The following CADM2 variants were observed in gnomAD, a reference collection of about 807,000 sequenced individuals.
CADM2 encodes immunoglobulin superfamily member 4D.
CADM2 carries 12 observed loss-of-function variants against 49.8 expected under a neutral mutation model. The ratio of observed to expected loss-of-function variants is 0.24; its 90% CI spans 0.15 to 0.39. CADM2 has a LOEUF of 0.39. CADM2 is among the 10% of genes least tolerant of loss of function. The probability of loss-of-function intolerance (pLI) is 1.00; values close to 1 mark genes in which losing one functional copy is unlikely to be tolerated. For synonymous variants in CADM2, 214 were observed against 175.4 expected, an observed-to-expected ratio of 1.22 and a Z score of -1.74; for missense variants, 378 against 492.3, an observed-to-expected ratio of 0.77 and a Z score of 2.20.
chr3:85,530,902 A>T (rs2061293034), intron 1 of CADM2, among the ~76,000 whole-genome samples: 1 of 149,604 alleles, frequency 6.7e-6, no homozygotes, highest in Non-Finnish European at 1.5e-5. Context: ...ACACACACAC[A>T]CACACACACA....
At chr3:85,726,911 AAATGAGTATGCTTTTATAG>A (rs1359353038) in intron 2 of CADM2, among the ~76,000 whole-genome samples, 3 of 152,126 alleles carry the variant, frequency 2.0e-5, no homozygotes, top group Non-Finnish European at 4.4e-5. Flanking sequence ...AAAGTCTCAA[AAATGAGTATGCTTTTATAG>A]AATTATGTGA....
intron 1 of CADM2, among the ~76,000 whole-genome samples, chr3:85,618,835 A>C (rs1444159309): frequency 7.1e-6 from 1 of 140,090 alleles, no homozygotes; most frequent in Non-Finnish European, 1.5e-5. Flanking sequence ...ATTGGTGCTT[A>C]CTTATTGCCA....
intron 1 of CADM2, among the ~76,000 whole-genome samples, chr3:85,348,863 TA>T (rs1263183951): frequency 6.6e-6 from 1 of 152,160 alleles, no homozygotes; most frequent in African/African-American, 2.4e-5. Context: ...TAAAATATAA[TA>T]ATCATATATT....
intron 3 of CADM2, among the ~76,000 whole-genome samples, chr3:85,824,206 G>T (rs1441550609): frequency 6.6e-6 from 1 of 152,134 alleles, no homozygotes; most frequent in Non-Finnish European, 1.5e-5. Context: ...TTACATACAA[G>T]AATATTGAAG....
chr3:86,065,475 G>C (rs1212577771), intron 8 of CADM2, 130 bp from the exon 9 acceptor site: 1 of 837,378 alleles, frequency 1.2e-6, no homozygotes, highest in Non-Finnish European at 1.8e-6. Context: ...AGGATGACTG[G>C]TGTAATGCAC....
At chr3:85,932,533 A>G (rs1341699241) in intron 6 of CADM2, among the ~76,000 whole-genome samples, 1 of 152,186 alleles carries the variant, frequency 6.6e-6, no homozygotes, top group East Asian at 1.9e-4. Flanking sequence ...GATCTTAAAC[A>G]TGTAAAGGCT....
chr3:86,061,480 A>G (rs979860447), intron 8 of CADM2, among the ~76,000 whole-genome samples: 1 of 152,166 alleles, frequency 6.6e-6, no homozygotes, highest in Non-Finnish European at 1.5e-5. Context: ...CAGAAGTTAT[A>G]TTTTAACACT....
At chr3:86,017,959 G>A (rs1430208447) in intron 8 of CADM2, among the ~76,000 whole-genome samples, 1 of 137,538 alleles carries the variant, frequency 7.3e-6, no homozygotes, top group Non-Finnish European at 1.6e-5. Flanking sequence ...CATGTGCCAT[G>A]CTGGTGCGCT....
chr3:85,796,470 G>A (rs895503077), intron 2 of CADM2, among the ~76,000 whole-genome samples: 3 of 152,004 alleles, frequency 2.0e-5, no homozygotes, highest in African/African-American at 7.3e-5. Flanking sequence ...AACTATCCAG[G>A]AATTTATTCC....
intron 1 of CADM2, among the ~76,000 whole-genome samples, chr3:85,522,000 G>T (rs541911634): frequency 6.6e-6 from 1 of 152,062 alleles, no homozygotes; most frequent in African/African-American, 2.4e-5. Flanking sequence ...GGTCTCTGAG[G>T]GAATGCTTAT....
rs112002176 is a variant in CADM2, at chr3:85,375,743, A to G, written c.62-350779A>G. ...ACAAAGTGTTCTCTTCCATTGATTT[A>G]TATGAATATTTTCATGACTTGGTTC... On this transcript the variant is annotated intron_variant, in intron 1 of 9. Coordinates refer to ENST00000383699, the MANE Select transcript of CADM2 (RefSeq NM_001167675.2). 5.2e-3 allele frequency among the ~76,000 whole-genome samples: 786 copies of G among 152,318 alleles called. 3 individuals carry two copies. The highest frequency in any genetic ancestry group is 0.041 in the Middle Eastern group (12 of 292).
intron 1 of CADM2, among the ~76,000 whole-genome samples, chr3:85,680,310 G>A (rs899434011): frequency 4.6e-5 from 7 of 151,990 alleles, no homozygotes; most frequent in Non-Finnish European, 8.8e-5. Context: ...GGTCTGAATC[G>A]GTGGAATTTT....
At chr3:86,040,428 T>C (rs944175094) in intron 8 of CADM2, among the ~76,000 whole-genome samples, 2 of 152,112 alleles carry the variant, frequency 1.3e-5, no homozygotes, top group African/African-American at 4.8e-5. Context: ...GAGAACTATG[T>C]GACAAATGCA....
intron 3 of CADM2, among the ~76,000 whole-genome samples, chr3:85,822,331 C>T (rs2073631145): frequency 6.6e-6 from 1 of 152,102 alleles, no homozygotes; most frequent in Admixed American, 6.6e-5. Context: ...TGCCTGTAAA[C>T]CCAGCACTTT....
chr3:85,835,087 A>T (rs918197451), intron 3 of CADM2, among the ~76,000 whole-genome samples: 1 of 151,616 alleles, frequency 6.6e-6, no homozygotes, highest in Non-Finnish European at 1.5e-5. Context: ...AGAAATGTGT[A>T]ACTTCTTGAT....
chr3:84,959,078 C>CGCTGCT lies in CADM2; in HGVS notation c.-529_-524dup. ...GAGCCGCCACTGCCGCCGCCGCTGCCGCTGCTACCGCCACTAGCGCTGCTT... is the reference window on the plus strand; with the variant it reads ...GAGCCGCCACTGCCGCCGCCGCTGCCGCTGCTGCTGCTACCGCCACTAGCGCTGCTT... On this transcript the variant is annotated 5_prime_UTR_variant, in exon 1 of 10. Coordinates refer to ENST00000383699, the MANE Select transcript of CADM2 (RefSeq NM_001167675.2). 1 of 198,422 alleles carries CGCTGCT rather than the reference C, an allele frequency of 5.0e-6. No homozygotes were observed. The highest frequency in any genetic ancestry group is 6.5e-5 in the South Asian group (1 of 15,340). The allele number at this position is 198,422 out of a possible 1,614,324, so 12.3% of individuals were successfully genotyped here.
chr3:85,339,065 T>C (rs1199966530), intron 1 of CADM2, among the ~76,000 whole-genome samples: 1 of 151,622 alleles, frequency 6.6e-6, no homozygotes, highest in African/African-American at 2.4e-5. Context: ...GTAAATTTTA[T>C]GATATGGTGA....
chr3:85,962,945 T>C (rs1725022793), intron 8 of CADM2, among the ~76,000 whole-genome samples: 1 of 151,974 alleles, frequency 6.6e-6, no homozygotes, highest in African/African-American at 2.4e-5. Context: ...AAAAGACATA[T>C]GTGTTTGTTC....
chr3:85,894,653 C>T (rs1714969574), intron 5 of CADM2, among the ~76,000 whole-genome samples: 1 of 152,132 alleles, frequency 6.6e-6, no homozygotes, highest in Non-Finnish European at 1.5e-5. Flanking sequence ...GGCCCATTGT[C>T]CTAGAAGGGA....
Sources: allele counts gnomAD v4.1 joint callset (sites outside exome capture counted in the v4.1 genomes callset), GRCh38; gene constraint gnomAD v4.1.1; transcripts MANE v1.5; gene names NCBI Gene and HGNC (gene_info 2026-07-23, HGNC 2026-07-21).